The following SLC25A45 variants were observed in gnomAD, a reference collection of about 807,000 sequenced individuals.
The protein encoded by SLC25A45 is solute carrier family 25 member 45.
A neutral mutation model predicts 23.0 loss-of-function variants in SLC25A45; 22 were observed. The observed-to-expected ratio is 0.95, with a 90% CI of 0.68 to 1.36. SLC25A45 has a LOEUF of 1.36. SLC25A45 is among the 40% of genes most tolerant of loss of function. The pLI, the probability that SLC25A45 is intolerant of heterozygous loss-of-function variation, is 0.00. For missense variants in SLC25A45, 355 were observed against 383.5 expected, an observed-to-expected ratio of 0.93 and a Z score of 0.62; for synonymous variants, 136 against 155.0, an observed-to-expected ratio of 0.88 and a Z score of 0.91.
Position 65,380,173 on chromosome 11 carries a change from C to T in SLC25A45, c.40G>A (p.Ala14Thr), listed in dbSNP as rs867092318. ...EEFVAGWISG[A>T]LGLVLGHPFD... The stretch of plus-strand genomic sequence containing the variant: ...GGGTGTCCCAGGACCAAGCCCAGAG[C>T]GCCTGTGGTGACAAGAGGGTGCTAT... The change falls in exon 3 of 7, where the codon GCT (alanine) becomes ACT (threonine). Residue 14 changes from alanine to threonine, a missense_variant and splice_region_variant. Physicochemically the swap from Ala to Thr is moderately conservative, Grantham distance 58. Coordinates refer to ENST00000398802, the MANE Select transcript of SLC25A45 (RefSeq NM_182556.4). The T allele has an allele frequency of 6.2e-6, 10 of 1,614,070 alleles. No homozygotes were observed. The highest frequency in any genetic ancestry group is 1.6e-4 in the Middle Eastern group (1 of 6,074).
At chr11:65,377,221 T>C (rs1428505965) in intron 5 of SLC25A45, 145 bp from the exon 6 acceptor site, 34 of 1,439,272 alleles carry the variant, frequency 2.4e-5, no homozygotes, top group Non-Finnish European at 2.5e-5. Flanking sequence ...CTCACGTGCA[T>C]GTGTGGCTGG....
chr11:65,379,784 C>G, intron 4 of SLC25A45, 83 bp downstream of exon 4: 1 of 1,548,164 alleles, frequency 6.5e-7, no homozygotes, highest in Non-Finnish European at 8.9e-7. Context: ...AGGAGCAGAA[C>G]CCTGCTGGAG....
At position 65,379,440 on chromosome 11, in the gene SLC25A45, C is replaced by T. The variant is rs374464221; in HGVS notation, c.275G>A (p.Arg92Gln). ...LVLTATSHQE[R>Q]RAQPPSYMHI... The stretch of plus-strand genomic sequence containing the variant: ...CATGTAGCTGGGCGGCTGGGCCCGC[C>T]GCTCCTGGTGGGAGGTGGCCGTGAG... Residue 92 changes from arginine (R) to glutamine (Q), a missense_variant, in exon 5 of 7, where the codon CGG (arginine) becomes CAG (glutamine). Arg to Gln is a conservative substitution (Grantham distance 43). Coordinates refer to ENST00000398802, the MANE Select transcript of SLC25A45 (RefSeq NM_182556.4). 3.4e-5 allele frequency: 55 copies of T among 1,613,802 alleles called. No individual in the cohort carries two copies. The Middle Eastern group carries it at 9.9e-4, about 29-fold the overall frequency.
chr11:65,380,389 G>C, intron 2 of SLC25A45: 1 of 922,958 alleles, frequency 1.1e-6, no homozygotes, highest in Non-Finnish European at 1.6e-6. Context: ...TGGGACAAGG[G>C]ACTAAGACCC....
chr11:65,376,131 C>A lies in SLC25A45; in HGVS notation c.*276G>T. The A allele has an allele frequency of 1.9e-6, 1 of 537,078 alleles. No individual in the cohort carries two copies. The allele number at this position is 537,078 out of a possible 1,614,324, so 33.3% of individuals were successfully genotyped here. A position where few individuals can be genotyped will look rare whatever the true frequency, so the allele number is the denominator to read the frequency against. ...AGGACAGGAGCTGGGATGTCACCAG[C>A]ACCACTTGCCAGCTCACTTGTGCCT... On this transcript the variant is annotated 3_prime_UTR_variant, in exon 7 of 7. Coordinates refer to ENST00000398802, the MANE Select transcript of SLC25A45 (RefSeq NM_182556.4).
intron 5 of SLC25A45, chr11:65,378,519 C>T (rs1450054074): frequency 6.6e-6 from 1 of 152,078 alleles, no homozygotes; most frequent in Non-Finnish European, 1.5e-5. Context: ...GGATGTGGCT[C>T]GCGGGGCTCA....
At chr11:65,377,160 G>T in intron 5 of SLC25A45, 84 bp from the exon 6 acceptor site, 7 of 1,505,430 alleles carry the variant, frequency 4.6e-6, no homozygotes, top group Non-Finnish European at 5.3e-6. Context: ...AAGGAGGCAG[G>T]CAGGGGGCCA....
intron 5 of SLC25A45, chr11:65,377,573 C>G (rs1855284697): frequency 4.8e-6 from 1 of 206,522 alleles, no homozygotes; most frequent in Non-Finnish European, 8.5e-6. Flanking sequence ...CAAGGCCAGC[C>G]CCTCCTGCCT....
chr11:65,380,548 T>G (rs1442650091), intron 2 of SLC25A45: 2 of 1,340,958 alleles, frequency 1.5e-6, no homozygotes, highest in African/African-American at 2.9e-5. Context: ...CCGAGAGCTT[T>G]ACTCTTCTTT....
At chr11:65,381,738 G>A in intron 2 of SLC25A45, 177 bp downstream of exon 2, 2 of 698,248 alleles carry the variant, frequency 2.9e-6, no homozygotes, top group Non-Finnish European at 5.1e-6. Context: ...TGATTTTTTT[G>A]TAGAGACAGG....
Position 65,382,049 on chromosome 11 carries a change from G to A in SLC25A45, c.-18-80C>T. 9.4e-7 allele frequency: 1 copy of A among 1,060,006 alleles called. No homozygotes were observed. The highest frequency in any genetic ancestry group is 1.5e-6 in the Non-Finnish European group (1 of 678,146). The allele number at this position is 1,060,006 out of a possible 1,614,324, so 65.7% of individuals were successfully genotyped here. On this transcript the variant is annotated intron_variant, in intron 1 of 6. Transcript: ENST00000398802. The surrounding 1 kb of genome is among the most constrained non-coding windows in gnomAD (Gnocchi z 4.4). ...CCCACGCTGATAACCTCCCACTAAT[G>A]TTTAACCCTGGCGGGAAGGTGAGAA...
At chr11:65,378,239 C>T (rs1052273637) in intron 5 of SLC25A45, 2 of 152,212 alleles carry the variant, frequency 1.3e-5, no homozygotes, top group African/African-American at 4.8e-5. Context: ...GATGCCATTT[C>T]AGAAGGTCAG....
In SLC25A45 at chr11:65,376,848, G is replaced by A. The variant is rs779956016; in HGVS notation, c.568C>T (p.Arg190Cys). 3.2e-5 allele frequency: 51 copies of A among 1,614,106 alleles called. No homozygotes were observed. The highest frequency in any genetic ancestry group is 1.2e-4 in the Admixed American group (7 of 60,006). ...IYFITYEGLC[R>C]QYTPEGQNPS... is the part of the protein sequence containing the mutation. Reference sequence around the variant, plus strand: ...TTCTGGCCTTCTGGTGTGTACTGGCGACAGAGCCCTTCATAGGTGATGAAG... The same window carrying A: ...TTCTGGCCTTCTGGTGTGTACTGGCAACAGAGCCCTTCATAGGTGATGAAG... The change falls in exon 6 of 7, where the codon CGC becomes TGC. Residue 190 changes from arginine (R) to cysteine (C), a missense_variant. Arg to Cys is a radical substitution (Grantham distance 180). Transcript: ENST00000398802.
At chr11:65,377,421 T>A in intron 5 of SLC25A45, 1 of 1,125,826 alleles carries the variant, frequency 8.9e-7, no homozygotes, top group Non-Finnish European at 1.1e-6. Context: ...GCAGTGAGCA[T>A]ACCTGTACGG....
At chr11:65,380,430 G>A (rs1441707762) in intron 2 of SLC25A45, 19 of 1,031,112 alleles carry the variant, frequency 1.8e-5, no homozygotes, top group Non-Finnish European at 2.5e-5. Flanking sequence ...ACACCCAAGA[G>A]GGAAGAGCCA....
At position 65,382,281 on chromosome 11, in the gene SLC25A45, GCTGC is replaced by G; in HGVS notation, c.-19+201_-19+204del. Reference sequence around the variant, plus strand: ...TGCCCCATGGTCGGGCCCCTCCAGGGCTGCCTTAGTCAGCAAGAGGCAAGCCCCT... The same window carrying G: ...TGCCCCATGGTCGGGCCCCTCCAGGGCTTAGTCAGCAAGAGGCAAGCCCCT... On this transcript the variant is annotated intron_variant, in intron 1 of 6. Coordinates refer to ENST00000398802, the MANE Select transcript of SLC25A45 (RefSeq NM_182556.4). This position sits in a 1 kb window ranked among gnomAD's most constrained non-coding sequence, Gnocchi z 4.4. 2.5e-6 allele frequency: 1 copy of G among 406,996 alleles called. No homozygotes were observed. Among genetic ancestry groups the G allele is most frequent in the South Asian group, 2.7e-5 (1 of 37,418 alleles). The allele number at this position is 406,996 out of a possible 1,614,324, so 25.2% of individuals were successfully genotyped here. A position where few individuals can be genotyped will look rare whatever the true frequency, so the allele number is the denominator to read the frequency against.
rs1452029185 is a variant in SLC25A45 at position 65,382,364 on chromosome 11, C to G, written c.-19+122G>C. The stretch of plus-strand genomic sequence containing the variant: ...CATTCATCTCCACCAAGGGGCATGG[C>G]CGCCCCCATGCCACAGAGAGAGGCC... On this transcript the variant is annotated intron_variant, in intron 1 of 6. Coordinates refer to ENST00000398802, the MANE Select transcript of SLC25A45 (RefSeq NM_182556.4). This position sits in a 1 kb window ranked among gnomAD's most constrained non-coding sequence, Gnocchi z 4.4. 2 of 221,730 alleles carry G rather than the reference C, an allele frequency of 9.0e-6. No homozygotes were observed. Among genetic ancestry groups the G allele is most frequent in the Non-Finnish European group, 1.9e-5 (2 of 106,740 alleles). 13.7% of individuals were successfully genotyped at this position (221,730 alleles called of 1,614,324 possible). A position where few individuals can be genotyped will look rare whatever the true frequency, so the allele number is the denominator to read the frequency against.
chr11:65,382,107 AGAG>A lies in SLC25A45; in HGVS notation c.-18-141_-18-139del. 2.9e-6 allele frequency: 2 copies of A among 692,952 alleles called. No homozygotes were observed. Among genetic ancestry groups the A allele is most frequent in the Non-Finnish European group, 5.2e-6 (2 of 386,948 alleles). The allele number at this position is 692,952 out of a possible 1,614,324, so 42.9% of individuals were successfully genotyped here. On this transcript the variant is annotated intron_variant, in intron 1 of 6. Coordinates refer to ENST00000398802, the MANE Select transcript of SLC25A45 (RefSeq NM_182556.4). This position sits in a 1 kb window ranked among gnomAD's most constrained non-coding sequence, Gnocchi z 4.4. The stretch of plus-strand genomic sequence containing the variant: ...GGTGCCCAGACCTCCGGCAACTGGC[AGAG>A]GAGAGCGAGCCAGTTCCGGTGACCC...
At position 65,376,353 on chromosome 11, in the gene SLC25A45, A is replaced by G. The variant is rs920347063; in HGVS notation, c.*54T>C. 1 of 1,589,780 alleles carries G rather than the reference A, an allele frequency of 6.3e-7. No individual in the cohort carries two copies. Among genetic ancestry groups the G allele is most frequent in the African/African-American group, 1.3e-5 (1 of 74,578 alleles). On this transcript the variant is annotated 3_prime_UTR_variant, in exon 7 of 7. Coordinates refer to ENST00000398802, the MANE Select transcript of SLC25A45 (RefSeq NM_182556.4). ...GCTTTCAACCTGGCCTCCAATCTCA[A>G]ACTGGCCTCCAGGCCGTGGGCCTGA...
Sources: gnomAD v4.1 joint callset for allele counts on GRCh38, gnomAD v4.1.1 for gene constraint, Gnocchi (gnomAD v3.1) non-coding constraint, MANE v1.5 for transcripts, NCBI Gene and HGNC (gene_info 2026-07-23, HGNC 2026-07-21) for gene names.